Variants in IL18RAP observed in about 807,000 individuals in gnomAD.
IL18RAP encodes the protein interleukin-18 receptor accessory protein.
A neutral mutation model predicts 58.1 loss-of-function variants in IL18RAP; 37 were observed. That is an observed-to-expected ratio of 0.64 (90% CI 0.49 to 0.84). IL18RAP has a LOEUF of 0.84. Ranked by LOEUF, IL18RAP falls within the 40% of genes least tolerant of loss-of-function variation. The pLI, the probability that IL18RAP is intolerant of heterozygous loss-of-function variation, is 0.00. For missense variants in IL18RAP, 667 were observed against 704.8 expected (o/e 0.95, Z 0.61); for synonymous variants, 268 against 257.5 (o/e 1.04, Z -0.39).
chr2:102,445,033 C>T (rs1304207806), intron 6 of IL18RAP, among the ~76,000 whole-genome samples, 156 bp from the exon 7 acceptor site: 1 of 152,046 alleles, frequency 6.6e-6, no homozygotes, highest in Non-Finnish European at 1.5e-5. Context: ...AAGAATGAGC[C>T]CTTTTTGACC....
In IL18RAP at chr2:102,445,170, A is replaced by AT. The variant is rs762516465; in HGVS notation, c.921-13dup. 5 of 1,610,864 alleles carry AT rather than the reference A, an allele frequency of 3.1e-6. No homozygotes were observed. Among genetic ancestry groups the AT allele is most frequent in the Admixed American group, 3.3e-5 (2 of 59,996 alleles). The stretch of plus-strand genomic sequence containing the variant: ...AATGTATGTTACTGAATGGAGTGGT[A>AT]TTTTTTCTCCTTTCTCAGTATTAAA... On this transcript the variant is annotated intron_variant, in intron 6 of 9. Transcript: ENST00000687160.
At chr2:102,448,960 C>CAA (rs10566180) in intron 8 of IL18RAP, among the ~76,000 whole-genome samples, 12 of 67,208 alleles carry the variant, frequency 1.8e-4, no homozygotes, top group East Asian at 1.0e-3. Context: ...TACCCTATCT[C>CAA]AAAAAAAAAA....
chr2:102,440,791 G>T (rs2075186), intron 4 of IL18RAP, among the ~76,000 whole-genome samples: 32,842 of 152,152 alleles, frequency 0.22, 4,015 homozygotes, highest in African/African-American at 0.32. Flanking sequence ...AAGTTTGACA[G>T]TGGAGGCATA....
intron 4 of IL18RAP, chr2:102,439,624 A>G (rs916656938): frequency 6.6e-6 from 1 of 152,426 alleles, no homozygotes; most frequent in Non-Finnish European, 1.5e-5. Flanking sequence ...AGAGCATGAT[A>G]ATGGTTTTTA....
At chr2:102,446,990 G>A in intron 7 of IL18RAP, 80 bp from the exon 8 acceptor site, 1 of 1,418,214 alleles carries the variant, frequency 7.1e-7, no homozygotes, top group Non-Finnish European at 9.6e-7. Flanking sequence ...GTGCTGGGTG[G>A]GCCATAGCGC....
intron 3 of IL18RAP, among the ~76,000 whole-genome samples, chr2:102,426,276 T>C (rs1015878118): frequency 1.3e-5 from 2 of 152,118 alleles, no homozygotes; most frequent in African/African-American, 4.8e-5. Flanking sequence ...AATGAAAACA[T>C]GGCTTTACTG....
intron 3 of IL18RAP, among the ~76,000 whole-genome samples, chr2:102,433,156 A>C (rs1264019550): frequency 6.6e-6 from 1 of 152,140 alleles, no homozygotes; most frequent in East Asian, 1.9e-4. Flanking sequence ...CACTCATGCC[A>C]CATTCTCTTG....
chr2:102,439,179 A>C (rs1682945263), intron 4 of IL18RAP: 1 of 152,226 alleles, frequency 6.6e-6, no homozygotes, highest in Non-Finnish European at 1.5e-5. Context: ...AAGTGGGAGA[A>C]TGTCGTGACT....
upstream of IL18RAP, among the ~76,000 whole-genome samples, chr2:102,420,359 A>C (rs1284477636): frequency 6.6e-6 from 1 of 152,192 alleles, no homozygotes; most frequent in Non-Finnish European, 1.5e-5. Flanking sequence ...AGTCCTCAGG[A>C]AGCCCAAAAA....
At chr2:102,432,335 GC>G (rs1308268146) in intron 3 of IL18RAP, 1 of 154,088 alleles carries the variant, frequency 6.5e-6, no homozygotes, top group African/African-American at 2.4e-5. Flanking sequence ...TTCCCAAATA[GC>G]CTGCAACTTT....
At chr2:102,438,027 T>C (rs1016192113) in intron 4 of IL18RAP, among the ~76,000 whole-genome samples, 1 of 152,230 alleles carries the variant, frequency 6.6e-6, no homozygotes, top group Non-Finnish European at 1.5e-5. Flanking sequence ...ACTTTATGAC[T>C]GGTGTTAAGT....
intron 4 of IL18RAP, chr2:102,439,009 T>A (rs974646095): frequency 6.6e-6 from 1 of 152,294 alleles, no homozygotes; most frequent in African/African-American, 2.4e-5. Flanking sequence ...CATTCCAGAC[T>A]GAGGAAGCAG....
rs1211655018 is a variant in IL18RAP at position 102,450,904 on chromosome 2, G to A, written c.1267G>A (p.Glu423Lys). 1.9e-6 allele frequency: 3 copies of A among 1,611,676 alleles called. No homozygotes were observed. Among genetic ancestry groups the A allele is most frequent in the African/African-American group, 2.7e-5 (2 of 74,864 alleles). Reference sequence around the variant, plus strand: ...TGCAAAATGGAGCTCTTTTCCAAGTGAGGCCACTTCATCTCTGAGTGAAGA... The same window carrying A: ...TGCAAAATGGAGCTCTTTTCCAAGTAAGGCCACTTCATCTCTGAGTGAAGA... Reference protein sequence around the residue: ...SYAKWSSFPSEATSSLSEEHL... With the variant: ...SYAKWSSFPSKATSSLSEEHL... The change falls in exon 9 of 10, where the codon GAG becomes AAG. Residue 423 changes from glutamate (E) to lysine (K), a missense_variant. Physicochemically the swap from Glu to Lys is moderately conservative, Grantham distance 56. Transcript: ENST00000687160.
upstream of IL18RAP, among the ~76,000 whole-genome samples, chr2:102,420,749 G>A (rs1204196794): frequency 6.6e-6 from 1 of 152,172 alleles, no homozygotes; most frequent in Non-Finnish European, 1.5e-5. Context: ...CTAAGGTGGA[G>A]GAACTACTGA....
intron 8 of IL18RAP, among the ~76,000 whole-genome samples, chr2:102,447,962 G>T (rs1683534016): frequency 6.6e-6 from 1 of 152,114 alleles, no homozygotes; most frequent in South Asian, 2.1e-4. Flanking sequence ...TCGAACTCCT[G>T]ACCTCAAGTG....
At position 102,452,273 on chromosome 2, in the gene IL18RAP, T is replaced by C. The variant is rs887426391; in HGVS notation, c.*92T>C. ...CTCTGTGTGTGTGTGTTCAGGCTGATAGGAAATTCAAAGAGTCTCCTGCCA... is the reference window on the plus strand; with the variant it reads ...CTCTGTGTGTGTGTGTTCAGGCTGACAGGAAATTCAAAGAGTCTCCTGCCA... On this transcript the variant is annotated 3_prime_UTR_variant, in exon 10 of 10. Coordinates refer to ENST00000687160, the MANE Select transcript of IL18RAP (RefSeq NM_001393487.1). 7 of 1,259,218 alleles carry C rather than the reference T, an allele frequency of 5.6e-6. No individual in the cohort carries two copies. In the African/African-American group the frequency reaches 6.0e-5, roughly 11 times the overall value. 78.0% of individuals were successfully genotyped at this position (1,259,218 alleles called of 1,614,324 possible). A position where few individuals can be genotyped will look rare whatever the true frequency, so the allele number is the denominator to read the frequency against.
intron 9 of IL18RAP, 63 bp downstream of exon 9, chr2:102,451,084 T>A (rs1683736306): frequency 1.5e-6 from 2 of 1,328,530 alleles, no homozygotes; most frequent in South Asian, 1.6e-5. Context: ...AATCCCCAAG[T>A]CTTTTTTGTC....
chr2:102,423,869 C>G lies in IL18RAP; in HGVS notation c.129C>G (p.Val43=). 1 of 1,613,830 alleles carries G rather than the reference C, an allele frequency of 6.2e-7. No homozygotes were observed. Among genetic ancestry groups the G allele is most frequent in the Non-Finnish European group, 8.5e-7 (1 of 1,179,870 alleles). ...CTACAAGGAGTGAAGAGGAATTTGTCTTATTTTGTGATTTACCAGAGCCAC... is the reference window on the plus strand; with the variant it reads ...CTACAAGGAGTGAAGAGGAATTTGTGTTATTTTGTGATTTACCAGAGCCAC... ...TYSTRSEEEF[V]LFCDLPEPQK... is the part of the protein sequence containing the mutation. Residue 43 remains valine, a synonymous_variant, in exon 2 of 10, where the codon GTC becomes GTG. Coordinates refer to ENST00000687160, the MANE Select transcript of IL18RAP (RefSeq NM_001393487.1).
intron 3 of IL18RAP, among the ~76,000 whole-genome samples, chr2:102,431,901 G>A: frequency 6.6e-6 from 1 of 151,908 alleles, no homozygotes; most frequent in Non-Finnish European, 1.5e-5. Flanking sequence ...TTATTCTGAA[G>A]TTTTGTCAGT....
Sources: allele counts gnomAD v4.1 joint callset (sites outside exome capture counted in the v4.1 genomes callset), GRCh38; gene constraint gnomAD v4.1.1; transcripts MANE v1.5; gene names NCBI Gene and HGNC (gene_info 2026-07-23, HGNC 2026-07-21).